Variants in TGFA observed in about 807,000 individuals in gnomAD.
The protein encoded by TGFA is transforming growth factor alpha, also known as protransforming growth factor alpha.
A neutral mutation model predicts 21.7 loss-of-function variants in TGFA; 12 were observed. The ratio of observed to expected loss-of-function variants is 0.55; its 90% CI spans 0.35 to 0.90. TGFA has a LOEUF of 0.90. Ranked by LOEUF, TGFA falls within the 40% of genes least tolerant of loss-of-function variation. The pLI, the probability that TGFA is intolerant of heterozygous loss-of-function variation, is 0.01. For synonymous variants in TGFA, 79 were observed against 88.1 expected (o/e 0.90, Z 0.58); for missense variants, 178 against 210.8 (o/e 0.84, Z 0.96).
At position 70,447,791 on chromosome 2, in the gene TGFA, C is replaced by T. The variant is rs1384898284; in HGVS notation, c.*3068G>A. The T allele has an allele frequency of 6.6e-6, 1 of 152,270 alleles. No individual in the cohort carries two copies. The highest frequency in any genetic ancestry group is 2.1e-4 in the South Asian group (1 of 4,828). The allele number at this position is 152,270 out of a possible 1,614,324, so 9.4% of individuals were successfully genotyped here. ...CTTGGTTTTGGGCATTTGAGTCATTCCTCCTTCTGTGACTGGGCAGGTTGG... is the reference window on the plus strand; with the variant it reads ...CTTGGTTTTGGGCATTTGAGTCATTTCTCCTTCTGTGACTGGGCAGGTTGG... On this transcript the variant is annotated 3_prime_UTR_variant, in exon 6 of 6. Transcript: ENST00000295400.
chr2:70,503,185 CAAT>C (rs1671789111), intron 2 of TGFA, among the ~76,000 whole-genome samples: 1 of 152,112 alleles, frequency 6.6e-6, no homozygotes, highest in Non-Finnish European at 1.5e-5. Flanking sequence ...AAATGTCCAA[CAAT>C]GATAGACTGG....
intron 3 of TGFA, among the ~76,000 whole-genome samples, chr2:70,460,611 A>G (rs1553491343): frequency 6.6e-6 from 1 of 152,158 alleles, no homozygotes; most frequent in African/African-American, 2.4e-5. Flanking sequence ...GGGCACGTGT[A>G]TTGGGCTCAC....
At chr2:70,505,722 T>C (rs978608350) in intron 2 of TGFA, among the ~76,000 whole-genome samples, 1 of 152,108 alleles carries the variant, frequency 6.6e-6, no homozygotes, top group Admixed American at 6.5e-5. Context: ...GAGCCCCCAC[T>C]ACATTGTGAA....
At chr2:70,487,706 A>G (rs1430963373) in intron 2 of TGFA, among the ~76,000 whole-genome samples, 5 of 152,230 alleles carry the variant, frequency 3.3e-5, no homozygotes, top group Non-Finnish European at 7.3e-5. Context: ...TTCATCTAAT[A>G]TATACTGTTT....
rs781896307 is a variant in TGFA at position 70,453,317 on chromosome 2, C to G, written c.376G>C (p.Val126Leu). ...CGGCACCACTCACAGTGTTTTCGGA[C>G]CTGGCAGCAGCTGCAAAGACACAGA... The part of the protein sequence containing the change: ...ITCVLIHCCQ[V>L]RKHCEWCRAL... Residue 126 changes from valine to leucine, a missense_variant, in exon 5 of 6, where the codon GTC (valine) becomes CTC (leucine). Physicochemically the swap from Val to Leu is conservative, Grantham distance 32. Coordinates refer to ENST00000295400, the MANE Select transcript of TGFA (RefSeq NM_003236.4). 6.2e-7 allele frequency: 1 copy of G among 1,613,388 alleles called. No homozygotes were observed. The highest frequency in any genetic ancestry group is 1.7e-5 in the Admixed American group (1 of 60,010).
At chr2:70,450,929 A>G in intron 5 of TGFA, 63 bp from the exon 6 acceptor site, 1 of 1,574,390 alleles carries the variant, frequency 6.4e-7, no homozygotes, top group Non-Finnish European at 8.7e-7. Context: ...TGGGAAAATA[A>G]GCTTAGGAAA....
chr2:70,504,043 A>C (rs898400122), intron 2 of TGFA, among the ~76,000 whole-genome samples: 1 of 152,200 alleles, frequency 6.6e-6, no homozygotes, highest in East Asian at 1.9e-4. Context: ...GTGCAAAAAC[A>C]TTTACAATAA....
At chr2:70,536,212 AATGTGT>A (rs1285672499) in intron 1 of TGFA, among the ~76,000 whole-genome samples, 7 of 152,230 alleles carry the variant, frequency 4.6e-5, no homozygotes, top group African/African-American at 9.6e-5. Context: ...AGCAATCCTT[AATGTGT>A]ATGTGCACCT....
chr2:70,525,000 G>A (rs1229159717), intron 1 of TGFA, among the ~76,000 whole-genome samples: 2 of 152,122 alleles, frequency 1.3e-5, no homozygotes, highest in Non-Finnish European at 2.9e-5. Context: ...TGTGCACCTC[G>A]GGCCAGCAAA....
chr2:70,526,566 A>G (rs1672642125), intron 1 of TGFA, among the ~76,000 whole-genome samples: 2 of 152,206 alleles, frequency 1.3e-5, no homozygotes, highest in Non-Finnish European at 2.9e-5. Context: ...AGGCATGCCA[A>G]CCCCAGAGCT....
intron 1 of TGFA, among the ~76,000 whole-genome samples, chr2:70,550,807 C>G (rs1191972912): frequency 1.3e-5 from 2 of 152,066 alleles, no homozygotes; most frequent in Admixed American, 6.5e-5. Context: ...GGAGACAGAG[C>G]GAGACTCCGT....
chr2:70,498,212 G>A (rs139992765), intron 2 of TGFA, among the ~76,000 whole-genome samples: 174 of 152,384 alleles, frequency 1.1e-3, no homozygotes, highest in African/African-American at 3.9e-3. Flanking sequence ...CTTAAACAGA[G>A]TGCTGCTAAA....
chr2:70,505,868 A>G (rs781880502), intron 2 of TGFA, among the ~76,000 whole-genome samples: 12 of 152,224 alleles, frequency 7.9e-5, no homozygotes, highest in Non-Finnish European at 1.6e-4. Flanking sequence ...ACACATTCTG[A>G]TAACGTAATT....
chr2:70,505,249 A>C (rs1671886065), intron 2 of TGFA, among the ~76,000 whole-genome samples: 1 of 152,186 alleles, frequency 6.6e-6, no homozygotes, highest in Non-Finnish European at 1.5e-5. Flanking sequence ...CACAATTTTG[A>C]TGTTAAAAAT....
At chr2:70,474,145 C>T (rs545035796) in intron 2 of TGFA, among the ~76,000 whole-genome samples, 16 of 152,322 alleles carry the variant, frequency 1.1e-4, no homozygotes, top group Admixed American at 9.8e-4. Context: ...CCTCCATCCC[C>T]ACTGAAGGGC....
At chr2:70,543,018 G>A (rs1320098694) in intron 1 of TGFA, among the ~76,000 whole-genome samples, 2 of 151,626 alleles carry the variant, frequency 1.3e-5, no homozygotes, top group African/African-American at 2.4e-5. Flanking sequence ...CAGGAGAATC[G>A]CTTGAACCCG....
chr2:70,523,418 G>C (rs781849029), intron 1 of TGFA, among the ~76,000 whole-genome samples: 8 of 152,146 alleles, frequency 5.3e-5, no homozygotes, highest in South Asian at 2.1e-4. Flanking sequence ...CACACTCACT[G>C]GTGTTCCTGT....
intron 2 of TGFA, among the ~76,000 whole-genome samples, chr2:70,475,947 A>G (rs906788063): frequency 1.1e-4 from 17 of 152,020 alleles, no homozygotes; most frequent in African/African-American, 4.1e-4. Flanking sequence ...AATGCAATGG[A>G]AATAGACAGG....
intron 2 of TGFA, among the ~76,000 whole-genome samples, chr2:70,514,620 C>T (rs1553501346): frequency 6.6e-6 from 1 of 152,110 alleles, no homozygotes; most frequent in Non-Finnish European, 1.5e-5. Context: ...GTCTGAACAG[C>T]TGAAGAGAGA....
Sources: allele counts gnomAD v4.1 joint callset (sites outside exome capture counted in the v4.1 genomes callset), GRCh38; gene constraint gnomAD v4.1.1; transcripts MANE v1.5; gene names NCBI Gene and HGNC (gene_info 2026-07-23, HGNC 2026-07-21).